SBF2: variants seen among roughly 807,000 people sequenced by gnomAD.
SBF2 encodes the protein SET binding factor 2, also known as myotubularin-related protein 13.
Under a neutral mutation model 225.2 loss-of-function variants are expected in SBF2, and 112 were observed. That is an observed-to-expected ratio of 0.50 (90% CI 0.43 to 0.58). The LOEUF is 0.58. Among genes scored for constraint, SBF2 ranks in the 20% least tolerant of loss-of-function variants. SBF2 has a pLI of 0.00. For synonymous variants in SBF2, 763 were observed against 773.3 expected (o/e 0.99, Z 0.22); for missense variants, 1,996 against 2,206.2 (o/e 0.90, Z 1.91).
intron 19 of SBF2, 149 bp downstream of exon 19, chr11:9,856,309 A>G (rs894399496): frequency 1.0e-6 from 1 of 981,244 alleles, no homozygotes; most frequent in African/African-American, 1.6e-5. Flanking sequence ...TTTAGAAAGA[A>G]AAGCTGAGCA....
rs544147249 is a variant in SBF2 at position 10,164,666 on chromosome 11, T to TACTG, written c.141+29235_141+29236insCAGT. 1.3e-3 allele frequency among the ~76,000 whole-genome samples: 200 copies of TACTG among 152,074 alleles called. 1 individual carries two copies. The highest frequency in any genetic ancestry group is 2.4e-3 in the Admixed American group (37 of 15,246). ...TTCCACTGAGTATCACTGAGACAGT[T>TACTG]TGAAGACTAAAAAGACTACCAAATG... On this transcript the variant is annotated intron_variant, in intron 2 of 39. Coordinates refer to ENST00000256190, the MANE Select transcript of SBF2 (RefSeq NM_030962.4).
At chr11:10,283,195 C>G (rs1439008098) in intron 1 of SBF2, among the ~76,000 whole-genome samples, 1 of 152,096 alleles carries the variant, frequency 6.6e-6, no homozygotes, top group Non-Finnish European at 1.5e-5. Flanking sequence ...GAGTTTTAAT[C>G]TTTACTCATT....
At chr11:9,848,533 C>T (rs967647949) in intron 22 of SBF2, among the ~76,000 whole-genome samples, 1 of 152,000 alleles carries the variant, frequency 6.6e-6, no homozygotes, top group African/African-American at 2.4e-5. Flanking sequence ...AAGGAAAAGG[C>T]AGAGAATATG....
intron 2 of SBF2, among the ~76,000 whole-genome samples, chr11:10,178,895 G>A (rs1281129197): frequency 2.7e-5 from 4 of 148,268 alleles, no homozygotes; most frequent in South Asian, 2.2e-4. Context: ...ACATGCACAC[G>A]TATGTTTATT....
At chr11:10,296,455 C>T (rs1438948533), upstream of SBF2, among the ~76,000 whole-genome samples, 4 of 151,994 alleles carry the variant, frequency 2.6e-5, no homozygotes, top group South Asian at 2.1e-4. Flanking sequence ...TCTCATAAAA[C>T]TTATTCACTA....
intron 16 of SBF2, among the ~76,000 whole-genome samples, chr11:9,936,776 G>A (rs570184707): frequency 6.6e-5 from 10 of 152,252 alleles, no homozygotes; most frequent in Admixed American, 3.3e-4. Context: ...CACAGGGCAG[G>A]GAACATCACA....
At chr11:9,878,503 C>T (rs1859477136) in intron 17 of SBF2, among the ~76,000 whole-genome samples, 1 of 152,140 alleles carries the variant, frequency 6.6e-6, no homozygotes, top group African/African-American at 2.4e-5. Context: ...CCTAGGTTTT[C>T]TTCTAGGGTT....
At chr11:10,267,812 G>A (rs905535155) in intron 1 of SBF2, among the ~76,000 whole-genome samples, 3 of 152,062 alleles carry the variant, frequency 2.0e-5, no homozygotes, top group African/African-American at 7.2e-5. Context: ...GAGGGAGAAG[G>A]GAGTAATATG....
intron 17 of SBF2, among the ~76,000 whole-genome samples, chr11:9,879,934 A>C (rs1859601080): frequency 1.3e-5 from 2 of 151,956 alleles, no homozygotes; most frequent in South Asian, 4.1e-4. Flanking sequence ...AAATACAAAA[A>C]TTAGCTGGGT....
chr11:10,196,106 C>G lies in SBF2; in HGVS notation c.56-2119G>C, dbSNP rs73415079. On this transcript the variant is annotated intron_variant, in intron 1 of 39. Coordinates refer to ENST00000256190, the MANE Select transcript of SBF2 (RefSeq NM_030962.4). ...TGATAGAAAGACCATACAAAACTTTCTGGAAGAAATGACAGCAAGCTTACT... is the reference window on the plus strand; with the variant it reads ...TGATAGAAAGACCATACAAAACTTTGTGGAAGAAATGACAGCAAGCTTACT... Among the ~76,000 whole-genome samples, 1,240 of 152,292 alleles carry G rather than the reference C, an allele frequency of 8.1e-3. 22 individuals carry two copies. The highest frequency in any genetic ancestry group is 0.028 in the African/African-American group (1,154 of 41,564).
intron 12 of SBF2, among the ~76,000 whole-genome samples, chr11:9,991,253 T>C (rs1947420701): frequency 6.6e-6 from 1 of 152,260 alleles, no homozygotes. Context: ...CACCTCAGGA[T>C]GTTTCCTAAA....
At chr11:10,115,069 T>TTATGCA in intron 2 of SBF2, among the ~76,000 whole-genome samples, 1 of 152,318 alleles carries the variant, frequency 6.6e-6, no homozygotes, top group Non-Finnish European at 1.5e-5. Flanking sequence ...AATTGTTTAT[T>TTATGCA]TATGCATAAT....
intron 16 of SBF2, among the ~76,000 whole-genome samples, chr11:9,906,482 T>C (rs1038107476): frequency 1.3e-5 from 2 of 152,218 alleles, no homozygotes; most frequent in Non-Finnish European, 2.9e-5. Context: ...TTTATTATCT[T>C]ACAAAATGTT....
intron 2 of SBF2, among the ~76,000 whole-genome samples, chr11:10,120,764 C>T (rs567579474): frequency 6.6e-6 from 1 of 152,156 alleles, no homozygotes; most frequent in Admixed American, 6.5e-5. Context: ...GGATTACAGG[C>T]GTGTGCCACC....
At chr11:9,895,584 G>C (rs576766627) in intron 17 of SBF2, among the ~76,000 whole-genome samples, 1 of 152,024 alleles carries the variant, frequency 6.6e-6, no homozygotes, top group Non-Finnish European at 1.5e-5. Flanking sequence ...GAGTGGCCCT[G>C]GGACATAGCA....
chr11:9,886,890 C>A (rs1237101359), intron 17 of SBF2, among the ~76,000 whole-genome samples: 3 of 152,082 alleles, frequency 2.0e-5, no homozygotes, highest in African/African-American at 7.2e-5. Flanking sequence ...TTTTAGAATA[C>A]ACATGCTATA....
intron 22 of SBF2, among the ~76,000 whole-genome samples, chr11:9,849,056 T>TA (rs1419309066): frequency 1.3e-5 from 2 of 152,360 alleles, no homozygotes; most frequent in East Asian, 3.9e-4. Context: ...CGTGACCATT[T>TA]AGCCCAGTGG....
chr11:10,179,309 C>T (rs1395147484), intron 2 of SBF2, among the ~76,000 whole-genome samples: 3 of 150,934 alleles, frequency 2.0e-5, no homozygotes, highest in African/African-American at 7.3e-5. Flanking sequence ...CTAACCTGCA[C>T]ATTGTGCACA....
At chr11:10,281,638 C>T (rs766232835) in intron 1 of SBF2, among the ~76,000 whole-genome samples, 3 of 152,214 alleles carry the variant, frequency 2.0e-5, no homozygotes, top group Admixed American at 6.6e-5. Context: ...GCTTGGTTCT[C>T]GGTACTTTAT....
Sources: gnomAD v4.1 joint callset for allele counts (sites outside exome capture counted in the v4.1 genomes callset) on GRCh38, gnomAD v4.1.1 for gene constraint, MANE v1.5 for transcripts, NCBI Gene and HGNC (gene_info 2026-07-23, HGNC 2026-07-21) for gene names.